The following ATM variants were observed in gnomAD, a reference collection of about 807,000 sequenced individuals.
ATM encodes the protein ATM serine/threonine kinase, also known as serine-protein kinase ATM.
In ATM, 308 loss-of-function variants were observed where a neutral mutation model predicts 387.0. The observed-to-expected ratio is 0.80, with a 90% CI of 0.73 to 0.87. The LOEUF is 0.87. Among genes scored for constraint, ATM ranks in the 40% least tolerant of loss-of-function variants. ATM has a pLI of 0.00. For missense variants in ATM, 3,312 were observed against 3,560.9 expected (o/e 0.93, Z 1.78); for synonymous variants, 1,156 against 1,187.3 (o/e 0.97, Z 0.54).
intron 31 of ATM, among the ~76,000 whole-genome samples, chr11:108,294,288 A>G (rs919119653): frequency 4.6e-5 from 7 of 152,218 alleles, no homozygotes; most frequent in African/African-American, 1.4e-4. Context: ...TAATTTTTAA[A>G]TGATAGTCTG....
chr11:108,263,969 A>T (rs7930235), intron 16 of ATM, among the ~76,000 whole-genome samples: 91,701 of 141,424 alleles, frequency 0.65, 30,908 homozygotes, highest in African/African-American at 0.82. Context: ...TAACAGGATC[A>T]GAAATTGTGG....
intron 40 of ATM, among the ~76,000 whole-genome samples, chr11:108,313,338 A>C (rs549929706): frequency 1.2e-4 from 18 of 152,262 alleles, no homozygotes; most frequent in Middle Eastern, 3.4e-3. Context: ...GTTCTCTTTT[A>C]GGTATCACCC....
intron 32 of ATM, 57 bp from the exon 33 acceptor site, chr11:108,297,230 A>T: frequency 7.0e-7 from 1 of 1,423,428 alleles, no homozygotes. Flanking sequence ...ATGCAATTAT[A>T]AACAAAAGTG....
In ATM at chr11:108,315,738, T is replaced by C. The variant is rs1187051933; in HGVS notation, c.6007-85T>C. Reference sequence around the variant, plus strand: ...AACATTTAGAGTTGGGAGTTACATATTGGTAATGATACAATTTAAAATTTG... The same window carrying C: ...AACATTTAGAGTTGGGAGTTACATACTGGTAATGATACAATTTAAAATTTG... On this transcript the variant is annotated intron_variant, in intron 40 of 62. Coordinates refer to ENST00000675843, the MANE Select transcript of ATM (RefSeq NM_000051.4). The C allele has an allele frequency of 1.1e-5, 10 of 937,978 alleles. No homozygotes were observed. In the East Asian group the frequency reaches 1.8e-4, roughly 17 times the overall value. 58.1% of individuals were successfully genotyped at this position (937,978 alleles called of 1,614,324 possible).
At chr11:108,336,734 A>G (rs1325683059) in intron 56 of ATM, among the ~76,000 whole-genome samples, 2 of 152,316 alleles carry the variant, frequency 1.3e-5, no homozygotes, top group South Asian at 4.1e-4. Flanking sequence ...TCTGGTACAT[A>G]TTGCCAAATT....
At chr11:108,278,436 G>A (rs539521493) in intron 22 of ATM, among the ~76,000 whole-genome samples, 67 of 152,228 alleles carry the variant, frequency 4.4e-4, no homozygotes, top group African/African-American at 1.3e-3. Context: ...GATTCAAAAA[G>A]TATAAATTCA....
In ATM at chr11:108,293,378, T is replaced by C. The variant is rs759660081; in HGVS notation, c.4677T>C (p.Ile1559=). 8.1e-6 allele frequency: 13 copies of C among 1,602,978 alleles called. No homozygotes were observed. In the South Asian group the frequency reaches 1.2e-4, roughly 15 times the overall value. Residue 1559 remains isoleucine, a synonymous_variant, in exon 31 of 63, where the codon ATT becomes ATC. Transcript: ENST00000675843. ...NKDNENLYIT[I]KLLDPFPDHV... ...ATAATGAAAACCTCTATATCACGAT[T>C]AAGCTTTTAGATCCTTTTCCTGACC...
intron 16 of ATM, among the ~76,000 whole-genome samples, chr11:108,261,211 C>CCT (rs1190254862): frequency 6.6e-6 from 1 of 152,244 alleles, no homozygotes; most frequent in Non-Finnish European, 1.5e-5. Flanking sequence ...ACAGCAGTAA[C>CCT]CTCTGCAGAC....
chr11:108,257,666 C>A lies in ATM; in HGVS notation c.2376+60C>A, dbSNP rs546842049. ...ATAGGATCTTTCTCTGTCACCCAGG[C>A]TGGAGTGCAGTGGGATTGTCACAAC... On this transcript the variant is annotated intron_variant, in intron 15 of 62. Coordinates refer to ENST00000675843, the MANE Select transcript of ATM (RefSeq NM_000051.4). The A allele has an allele frequency of 1.1e-3, 1,644 of 1,536,198 alleles. 1 individual carries two copies. The highest frequency in any genetic ancestry group is 1.5e-3 in the South Asian group (137 of 88,864).
chr11:108,343,134 G>T, intron 56 of ATM, 88 bp from the exon 57 acceptor site: 4 of 1,510,138 alleles, frequency 2.6e-6, no homozygotes, highest in African/African-American at 1.4e-5. Context: ...GAAAAAAAAT[G>T]CTTTGCACTG....
intron 26 of ATM, among the ~76,000 whole-genome samples, chr11:108,284,866 C>G (rs1341118470): frequency 6.6e-6 from 1 of 152,070 alleles, no homozygotes; most frequent in African/African-American, 2.4e-5. Context: ...GAAAAACAAC[C>G]GTCCCTCATT....
intron 61 of ATM, chr11:108,356,200 G>C (rs73008269): frequency 6.6e-6 from 1 of 151,968 alleles, no homozygotes; most frequent in Admixed American, 6.6e-5. Context: ...CAATAATGTC[G>C]AAATTAAACT....
chr11:108,324,126 T>A (rs769211273), intron 45 of ATM, among the ~76,000 whole-genome samples: 1 of 152,172 alleles, frequency 6.6e-6, no homozygotes, highest in Non-Finnish European at 1.5e-5. Context: ...AGGTATAATA[T>A]GTAATTAGAG....
chr11:108,335,170 T>C (rs1158953508), intron 55 of ATM, 61 bp downstream of exon 55: 5 of 1,610,576 alleles, frequency 3.1e-6, no homozygotes, highest in Non-Finnish European at 4.2e-6. Flanking sequence ...TTTTAGTTCA[T>C]ATTTTCTTTC....
rs763296454 is a variant in ATM at position 108,321,286 on chromosome 11, C to T, written c.6453-15C>T. The T allele has an allele frequency of 1.7e-5, 27 of 1,613,326 alleles. No individual in the cohort carries two copies. In the Admixed American group the frequency reaches 3.2e-4, roughly 19 times the overall value. On this transcript the variant is annotated splice_polypyrimidine_tract_variant and intron_variant, in intron 44 of 62. Coordinates refer to ENST00000675843, the MANE Select transcript of ATM (RefSeq NM_000051.4). The stretch of plus-strand genomic sequence containing the variant: ...CTTCTTTATTTTCAGAGTGTCTTTT[C>T]TTTTTTGCTACTAGAGTAAAAGAAG...
At chr11:108,267,050 C>A in intron 16 of ATM, 121 bp from the exon 17 acceptor site, 1 of 987,512 alleles carries the variant, frequency 1.0e-6, no homozygotes, top group South Asian at 1.4e-5. Flanking sequence ...CCTGGCTCTG[C>A]CTCCCAAATT....
intron 61 of ATM, among the ~76,000 whole-genome samples, chr11:108,362,179 C>G (rs2090843421): frequency 7.0e-6 from 1 of 143,534 alleles, no homozygotes; most frequent in African/African-American, 2.6e-5. Flanking sequence ...ATTTATGCAG[C>G]CAAAAAACAC....
Position 108,353,300 on chromosome 11 carries a change from T to C in ATM, c.8672-466T>C, listed in dbSNP as rs141843789. Among the ~76,000 whole-genome samples, 867 of 152,108 alleles carry C rather than the reference T, an allele frequency of 5.7e-3. 1 individual carries two copies. Among genetic ancestry groups the C allele is most frequent in the Non-Finnish European group, 8.9e-3 (603 of 67,966 alleles). ...AGTAACTGGGATTATAGGCACCTGC[T>C]ACCACACCCAGCTAATTTTTGTATT... On this transcript the variant is annotated intron_variant, in intron 59 of 62. Transcript: ENST00000675843.
rs993582245 is a variant in ATM, at chr11:108,267,100, T to G, written c.2467-71T>G. The G allele has an allele frequency of 2.0e-6, 3 of 1,485,448 alleles. No individual in the cohort carries two copies. In the South Asian group the frequency reaches 3.5e-5, roughly 17 times the overall value. 92.0% of individuals were successfully genotyped at this position (1,485,448 alleles called of 1,614,324 possible). The stretch of plus-strand genomic sequence containing the variant: ...TGTGAGCCACTGTGCCCAGCCTGAT[T>G]AGGTAAATTTTGACTACAGCATGCT... On this transcript the variant is annotated intron_variant, in intron 16 of 62. Coordinates refer to ENST00000675843, the MANE Select transcript of ATM (RefSeq NM_000051.4).
Sources: allele counts gnomAD v4.1 joint callset (sites outside exome capture counted in the v4.1 genomes callset), GRCh38; gene constraint gnomAD v4.1.1; transcripts MANE v1.5; gene names NCBI Gene and HGNC (gene_info 2026-07-23, HGNC 2026-07-21).